PCDH11X: variants seen among roughly 807,000 people sequenced by gnomAD.
The protein encoded by PCDH11X is protocadherin 11 X-linked.
A neutral mutation model predicts 53.3 loss-of-function variants in PCDH11X; 18 were observed. The ratio of observed to expected loss-of-function variants is 0.34; its 90% CI spans 0.23 to 0.50. The LOEUF (loss-of-function observed/expected upper bound fraction) is 0.50, where lower values mean the gene tolerates loss of function less well. PCDH11X is among the 20% of genes least tolerant of loss of function. PCDH11X has a pLI of 0.98. For synonymous variants in PCDH11X, 279 were observed against 393.3 expected, an observed-to-expected ratio of 0.71 and a Z score of 3.44; for missense variants, 570 against 1,032.4, an observed-to-expected ratio of 0.55 and a Z score of 6.14.
chrX:91,998,808 T>C (rs544505311), intron 6 of PCDH11X, among the ~76,000 whole-genome samples: 1 of 111,864 alleles, frequency 8.9e-6, no homozygotes, highest in African/African-American at 3.2e-5. Flanking sequence ...ATATTATCAC[T>C]ATGCCGAATA....
chrX:91,962,482 C>A (rs1291674332), intron 6 of PCDH11X, among the ~76,000 whole-genome samples: 9 of 112,464 alleles, frequency 8.0e-5, no homozygotes, highest in Non-Finnish European at 1.7e-4. Context: ...AGCTCCATCC[C>A]TGTGGCTTTG....
intron 9 of PCDH11X, among the ~76,000 whole-genome samples, chrX:92,406,517 A>G (rs757521210): frequency 9.9e-6 from 1 of 100,697 alleles, no homozygotes; most frequent in Admixed American, 1.2e-4. Context: ...TTATTATTAA[A>G]ATTTTCAATC....
chrX:92,083,359 C>T (rs2063893966), intron 6 of PCDH11X, among the ~76,000 whole-genome samples: 1 of 111,347 alleles, frequency 9.0e-6, no homozygotes, highest in Admixed American at 9.6e-5. Context: ...GCATTTCCAC[C>T]TTGAATGCTG....
At chrX:92,393,515 A>G (rs758888652) in intron 9 of PCDH11X, among the ~76,000 whole-genome samples, 2 of 110,949 alleles carry the variant, frequency 1.8e-5, no homozygotes, top group Non-Finnish European at 3.8e-5. Context: ...TGCCTGCTCT[A>G]TTTCATTGCC....
intron 9 of PCDH11X, among the ~76,000 whole-genome samples, chrX:92,398,432 A>G (rs998210734): frequency 4.8e-4 from 54 of 111,924 alleles, no homozygotes; most frequent in Non-Finnish European, 7.1e-4. Context: ...TTTTTTGCAG[A>G]AAGAAAAAAA....
intron 8 of PCDH11X, among the ~76,000 whole-genome samples, chrX:92,369,329 T>C (rs967035554): frequency 1.7e-4 from 19 of 110,507 alleles, no homozygotes; most frequent in African/African-American, 5.9e-4. Flanking sequence ...AAAATTGCCT[T>C]ATAAAGCCTC....
chrX:91,957,252 C>A (rs2061722328), intron 6 of PCDH11X, among the ~76,000 whole-genome samples: 1 of 109,949 alleles, frequency 9.1e-6, no homozygotes, highest in Admixed American at 9.7e-5. Context: ...TAAGCCTAAT[C>A]CTATCAATTC....
intron 8 of PCDH11X, among the ~76,000 whole-genome samples, chrX:92,383,895 C>T (rs1241810019): frequency 9.0e-6 from 1 of 111,718 alleles, no homozygotes; most frequent in Admixed American, 9.5e-5. Context: ...CTTGAGGAAT[C>T]GCCACACTGT....
chrX:92,226,867 G>A (rs1292432390), intron 7 of PCDH11X, among the ~76,000 whole-genome samples: 2 of 111,283 alleles, frequency 1.8e-5, no homozygotes, highest in South Asian at 3.8e-4. Flanking sequence ...TCATGGAAGA[G>A]CATAAAAAGT....
At position 92,346,704 on chromosome X, in the gene PCDH11X, C is replaced by T. The variant is rs181118686; in HGVS notation, c.3145-41031C>T. On this transcript the variant is annotated intron_variant, in intron 8 of 10. Coordinates refer to ENST00000682573, the MANE Select transcript of PCDH11X (RefSeq NM_032968.5). The stretch of plus-strand genomic sequence containing the variant: ...AAATTTATTAGATTCTTTTACTTGA[C>T]GTTCAATAATTCATTCTAGTCAAAG... Among the ~76,000 whole-genome samples the T allele has an allele frequency of 6.0e-4, 67 of 111,744 alleles. No homozygotes were observed. The East Asian group carries it at 9.6e-3, about 16-fold the overall frequency.
chrX:92,519,322 A>C (rs1194786035), intron 10 of PCDH11X, among the ~76,000 whole-genome samples: 3 of 106,936 alleles, frequency 2.8e-5, no homozygotes, highest in Non-Finnish European at 5.8e-5. Context: ...TATACTAGCA[A>C]ATAGACTTCT....
At chrX:92,450,985 TC>T (rs1569488894) in intron 9 of PCDH11X, among the ~76,000 whole-genome samples, 1 of 111,420 alleles carries the variant, frequency 9.0e-6, no homozygotes, top group Non-Finnish European at 1.9e-5. Flanking sequence ...CTTTATTTAA[TC>T]GAATGAGTTG....
chrX:91,915,617 G>T (rs1439082878), intron 6 of PCDH11X, among the ~76,000 whole-genome samples: 2 of 111,233 alleles, frequency 1.8e-5, no homozygotes, highest in South Asian at 7.6e-4. Flanking sequence ...AATGATAAAA[G>T]AAATAGACCA....
At chrX:92,129,264 G>T (rs1209210866) in intron 6 of PCDH11X, among the ~76,000 whole-genome samples, 1 of 110,335 alleles carries the variant, frequency 9.1e-6, no homozygotes, top group East Asian at 2.9e-4. Context: ...GGTGGTGCAC[G>T]CCTGTAATAC....
At chrX:91,957,142 G>T (rs775979672) in intron 6 of PCDH11X, among the ~76,000 whole-genome samples, 10 of 110,796 alleles carry the variant, frequency 9.0e-5, no homozygotes, top group African/African-American at 2.6e-4. Flanking sequence ...AGCTATTCTG[G>T]CTACCAATTC....
chrX:92,014,191 A>G (rs2062746884), intron 6 of PCDH11X, among the ~76,000 whole-genome samples: 1 of 94,773 alleles, frequency 1.1e-5, no homozygotes, highest in Non-Finnish European at 2.3e-5. Context: ...TTACAAGAAA[A>G]AAAACAAACA....
intron 6 of PCDH11X, among the ~76,000 whole-genome samples, chrX:91,892,807 T>A: frequency 9.2e-6 from 1 of 108,225 alleles, no homozygotes; most frequent in Non-Finnish European, 1.9e-5. Flanking sequence ...GTTCAAGCAA[T>A]TTCAGGCTAA....
chrX:91,895,707 T>C (rs1294167991), intron 6 of PCDH11X, among the ~76,000 whole-genome samples: 3 of 108,192 alleles, frequency 2.8e-5, no homozygotes, highest in African/African-American at 1.0e-4. Flanking sequence ...GTTTGATTTC[T>C]GTACAGATGT....
chrX:92,418,027 A>G (rs1486980153), intron 9 of PCDH11X, among the ~76,000 whole-genome samples: 1 of 109,624 alleles, frequency 9.1e-6, no homozygotes, highest in Non-Finnish European at 1.9e-5. Flanking sequence ...ATAACATTCG[A>G]CTAATCTTTC....
Sources: gnomAD v4.1 joint callset for allele counts (sites outside exome capture counted in the v4.1 genomes callset) on GRCh38, gnomAD v4.1.1 for gene constraint, MANE v1.5 for transcripts, NCBI Gene and HGNC (gene_info 2026-07-23, HGNC 2026-07-21) for gene names.